Variants in GALNT15 observed in about 807,000 individuals in gnomAD.
GALNT15 encodes the protein UDP-GalNAc transferase T15.
A neutral mutation model predicts 66.8 loss-of-function variants in GALNT15; 67 were observed. That is an observed-to-expected ratio of 1.00 (90% confidence interval 0.82 to 1.23). GALNT15 has a LOEUF of 1.23. Ranked by LOEUF, GALNT15 falls within the 50% of genes most tolerant of loss-of-function variation. The pLI, the probability that GALNT15 is intolerant of heterozygous loss-of-function variation, is 0.00. For missense variants in GALNT15, 827 were observed against 804.3 expected (o/e 1.03, Z -0.34); for synonymous variants, 313 against 311.5 (o/e 1.00, Z -0.05).
Position 16,175,133 on chromosome 3 carries a change from T to C in GALNT15, c.-19T>C. ...GCTAACTTGAACATGACCTGTTGCATTTGGCAAGTTCTAGCAACATGCTCC... is the reference window on the plus strand; with the variant it reads ...GCTAACTTGAACATGACCTGTTGCACTTGGCAAGTTCTAGCAACATGCTCC... On this transcript the variant is annotated 5_prime_UTR_variant, in exon 1 of 10. Transcript: ENST00000339732. The surrounding 1 kb of genome is among the most constrained non-coding windows in gnomAD (Gnocchi z 5.6). 1.3e-6 allele frequency: 2 copies of C among 1,595,528 alleles called. No individual in the cohort carries two copies. The highest frequency in any genetic ancestry group is 1.7e-6 in the Non-Finnish European group (2 of 1,166,304).
chr3:16,232,508 A>ATATATT (rs1553689265), downstream of GALNT15, among the ~76,000 whole-genome samples: 7 of 78,590 alleles, frequency 8.9e-5, no homozygotes, highest in African/African-American at 1.8e-4. Context: ...ATATATATAT[A>ATATATT]TATTTATTTA....
In GALNT15 at chr3:16,184,174, T is replaced by TG. The variant is rs771919831; in HGVS notation, c.539+8488dup. The stretch of plus-strand genomic sequence containing the variant: ...AAGGATGAACAAAGGAGGTCAGGGG[T>TG]GGGGTTTTGGACACTTGAGTGACAC... On this transcript the variant is annotated intron_variant, in intron 1 of 9. Transcript: ENST00000339732. The surrounding 1 kb of genome is among the most constrained non-coding windows in gnomAD (Gnocchi z 5.0). Among the ~76,000 whole-genome samples, 6 of 152,246 alleles carry TG rather than the reference T, an allele frequency of 3.9e-5. No homozygotes were observed. Among genetic ancestry groups the TG allele is most frequent in the African/African-American group, 1.4e-4 (6 of 41,536 alleles).
intron 6 of GALNT15, 80 bp downstream of exon 6, chr3:16,212,843 C>G: frequency 1.6e-6 from 2 of 1,285,920 alleles, no homozygotes; most frequent in Non-Finnish European, 2.2e-6. Context: ...GCTCCTTTCT[C>G]TTGCCTGGAG....
At chr3:16,232,469 A>AATATAT (rs374444719), downstream of GALNT15, among the ~76,000 whole-genome samples, 95 of 38,726 alleles carry the variant, frequency 2.5e-3, no homozygotes, top group Non-Finnish European at 3.9e-3. Context: ...TAAATAAATA[A>AATATAT]ATATATATAT....
In GALNT15 at chr3:16,200,265, G is replaced by A. The variant is rs1332407462; in HGVS notation, c.707-354G>A. 6.6e-6 allele frequency among the ~76,000 whole-genome samples: 1 copy of A among 152,174 alleles called. No homozygotes were observed. The highest frequency in any genetic ancestry group is 1.5e-5 in the Non-Finnish European group (1 of 68,026). On this transcript the variant is annotated intron_variant, in intron 2 of 9. Transcript: ENST00000339732. The surrounding 1 kb of genome is among the most constrained non-coding windows in gnomAD (Gnocchi z 4.4). ...CCCTCCCTCGCCACATAGGGATTAT[G>A]GGGATTACCACTCAAGATGAGATCT...
At chr3:16,201,277 G>C (rs959264343) in intron 3 of GALNT15, among the ~76,000 whole-genome samples, 4 of 152,220 alleles carry the variant, frequency 2.6e-5, no homozygotes, top group African/African-American at 7.2e-5. Flanking sequence ...CGCCTCCCGG[G>C]TTCACGCCAT....
Position 16,228,271 on chromosome 3 carries a change from C to G in GALNT15, c.*771C>G, listed in dbSNP as rs756560631. 4 of 985,670 alleles carry G rather than the reference C, an allele frequency of 4.1e-6. No homozygotes were observed. Among genetic ancestry groups the G allele is most frequent in the Non-Finnish European group, 4.8e-6 (4 of 829,888 alleles). The allele number at this position is 985,670 out of a possible 1,614,324, so 61.1% of individuals were successfully genotyped here. A position where few individuals can be genotyped will look rare whatever the true frequency, so the allele number is the denominator to read the frequency against. ...AACCATAACCAGATTCCCTTGCAATCGATTTCTCTTTAGTCGTTGGTGTTA... is the reference window on the plus strand; with the variant it reads ...AACCATAACCAGATTCCCTTGCAATGGATTTCTCTTTAGTCGTTGGTGTTA... On this transcript the variant is annotated 3_prime_UTR_variant, in exon 10 of 10. Coordinates refer to ENST00000339732, the MANE Select transcript of GALNT15 (RefSeq NM_054110.5).
Position 16,175,617 on chromosome 3 carries a change from C to G in GALNT15, c.466C>G (p.Pro156Ala), listed in dbSNP as rs756248269. 1.2e-6 allele frequency: 2 copies of G among 1,613,190 alleles called. No individual in the cohort carries two copies. Among genetic ancestry groups the G allele is most frequent in the African/African-American group, 1.3e-5 (1 of 74,918 alleles). ...EEELTPFSLDPRGLQEALSAR... is the reference protein window; with the variant it reads ...EEELTPFSLDARGLQEALSAR... ...GGAGTTGACCCCGTTCAGCCTGGACCCACGTGGCCTCCAGGAGGCACTCAG... is the reference window on the plus strand; with the variant it reads ...GGAGTTGACCCCGTTCAGCCTGGACGCACGTGGCCTCCAGGAGGCACTCAG... The change falls in exon 1 of 10, where the codon CCA (proline) becomes GCA (alanine). Residue 156 changes from proline to alanine, a missense_variant. Transcript: ENST00000339732. The surrounding 1 kb of genome is among the most constrained non-coding windows in gnomAD (Gnocchi z 5.6).
At position 16,219,122 on chromosome 3, in the gene GALNT15, T is replaced by A. The variant is rs977582562; in HGVS notation, c.1393-281T>A. On this transcript the variant is annotated intron_variant, in intron 6 of 9. Coordinates refer to ENST00000339732, the MANE Select transcript of GALNT15 (RefSeq NM_054110.5). The surrounding 1 kb of genome is among the most constrained non-coding windows in gnomAD (Gnocchi z 4.3). ...ACCACTCCCGGCCTATTGTAGTCTT[T>A]ATAGACTGGAGATTTGAGGGATTGT... 6.6e-6 allele frequency among the ~76,000 whole-genome samples: 1 copy of A among 152,132 alleles called. No individual in the cohort carries two copies. The highest frequency in any genetic ancestry group is 1.5e-5 in the Non-Finnish European group (1 of 68,026).
downstream of GALNT15, among the ~76,000 whole-genome samples, chr3:16,232,469 A>AATAAATAAATAAATAT (rs1553689248): frequency 1.3e-4 from 5 of 38,752 alleles, no homozygotes; most frequent in Admixed American, 5.9e-4. Context: ...TAAATAAATA[A>AATAAATAAATAAATAT]ATATATATAT....
Position 16,176,293 on chromosome 3 carries a change from T to C in GALNT15, c.539+603T>C, listed in dbSNP as rs543231307. Among the ~76,000 whole-genome samples the C allele has an allele frequency of 6.6e-6, 1 of 152,236 alleles. No individual in the cohort carries two copies. The highest frequency in any genetic ancestry group is 1.5e-5 in the Non-Finnish European group (1 of 68,036). ...CACAGCTCTGCAAGATGGGTGCTAG[T>C]AGTATCATCATGCTTATTCTATAGG... is the stretch of plus-strand genomic sequence containing the variant. On this transcript the variant is annotated intron_variant, in intron 1 of 9. Transcript: ENST00000339732. The surrounding 1 kb of genome is among the most constrained non-coding windows in gnomAD (Gnocchi z 5.6).
At position 16,175,293 on chromosome 3, in the gene GALNT15, GC is replaced by G. The variant is rs368275393; in HGVS notation, c.144del (p.Ser49AlafsTer101). On this transcript the variant is annotated frameshift_variant, in exon 1 of 10. Coordinates refer to ENST00000339732, the MANE Select transcript of GALNT15 (RefSeq NM_054110.5). LOFTEE classifies it high-confidence loss of function. The surrounding 1 kb of genome is among the most constrained non-coding windows in gnomAD (Gnocchi z 5.6). ...CCTGCACCAGACTGTCACAGCCCAAGCCAGCAAGCACAGCCCTGAAGCCAGG... is the reference window on the plus strand; with the variant it reads ...CCTGCACCAGACTGTCACAGCCCAAGCAGCAAGCACAGCCCTGAAGCCAGG... ...HTLHQTVTAQ[A>X]SKHSPEARYR... The G allele has an allele frequency of 3.0e-5, 49 of 1,614,174 alleles. No homozygotes were observed. In the East Asian group the frequency reaches 9.6e-4, roughly 32 times the overall value.
At chr3:16,178,147 T>G (rs2063430752) in intron 1 of GALNT15, among the ~76,000 whole-genome samples, 1 of 152,092 alleles carries the variant, frequency 6.6e-6, no homozygotes, top group African/African-American at 2.4e-5. Context: ...ATGTGAGGTG[T>G]GAGTGATACA....
intron 2 of GALNT15, 75 bp downstream of exon 2, chr3:16,196,001 T>G (rs759248585): frequency 6.7e-7 from 1 of 1,485,594 alleles, no homozygotes; most frequent in Admixed American, 1.9e-5. Flanking sequence ...AGCAAAAGAT[T>G]GAAGTTTGGA....
chr3:16,200,879 C>T lies in GALNT15; in HGVS notation c.911+56C>T. 1 of 1,371,892 alleles carries T rather than the reference C, an allele frequency of 7.3e-7. No individual in the cohort carries two copies. Among genetic ancestry groups the T allele is most frequent in the Non-Finnish European group, 9.9e-7 (1 of 1,006,012 alleles). The allele number at this position is 1,371,892 out of a possible 1,614,324, so 85.0% of individuals were successfully genotyped here. A position where few individuals can be genotyped will look rare whatever the true frequency, so the allele number is the denominator to read the frequency against. On this transcript the variant is annotated intron_variant, in intron 3 of 9. Coordinates refer to ENST00000339732, the MANE Select transcript of GALNT15 (RefSeq NM_054110.5). The surrounding 1 kb of genome is among the most constrained non-coding windows in gnomAD (Gnocchi z 4.4). ...ACATGGAACTGGGAGAAACAGTCTACAGCATCAGCCACTCACAGAGCAACC... is the reference window on the plus strand; with the variant it reads ...ACATGGAACTGGGAGAAACAGTCTATAGCATCAGCCACTCACAGAGCAACC...
Position 16,183,178 on chromosome 3 carries a change from A to G in GALNT15, c.539+7488A>G, listed in dbSNP as rs2063486569. 6.6e-6 allele frequency: 1 copy of G among 152,328 alleles called. No individual in the cohort carries two copies. The highest frequency in any genetic ancestry group is 1.5e-5 in the Non-Finnish European group (1 of 68,138). The allele number at this position is 152,328 out of a possible 1,614,324, so 9.4% of individuals were successfully genotyped here. On this transcript the variant is annotated intron_variant, in intron 1 of 9. Transcript: ENST00000339732. This position sits in a 1 kb window ranked among gnomAD's most constrained non-coding sequence, Gnocchi z 5.2. Reference sequence around the variant, plus strand: ...AGCTGTGAGAGTTTGGAGAACCTGCACAAAGAGAAGGGGATGGCATGTACC... The same window carrying G: ...AGCTGTGAGAGTTTGGAGAACCTGCGCAAAGAGAAGGGGATGGCATGTACC...
rs2063543125 is a variant in GALNT15 at position 16,188,681 on chromosome 3, T to C, written c.540-7079T>C. Among the ~76,000 whole-genome samples, 1 of 152,128 alleles carries C rather than the reference T, an allele frequency of 6.6e-6. No homozygotes were observed. The highest frequency in any genetic ancestry group is 1.5e-5 in the Non-Finnish European group (1 of 67,998). ...TTTGTTGGCTGGACCTTAGCCAGCT[T>C]CCTAGGTTTCCAGTGGCTTCTCTGA... On this transcript the variant is annotated intron_variant, in intron 1 of 9. Coordinates refer to ENST00000339732, the MANE Select transcript of GALNT15 (RefSeq NM_054110.5). This position sits in a 1 kb window ranked among gnomAD's most constrained non-coding sequence, Gnocchi z 4.6.
At chr3:16,223,617 G>A (rs147505814) in intron 9 of GALNT15, among the ~76,000 whole-genome samples, 1 of 151,812 alleles carries the variant, frequency 6.6e-6, no homozygotes, top group East Asian at 1.9e-4. Context: ...ATAAGCACTT[G>A]AGAACAGAGC....
chr3:16,231,751 G>GT, downstream of GALNT15: 5 of 1,425,134 alleles, frequency 3.5e-6, no homozygotes, highest in Non-Finnish European at 4.8e-6. The surrounding 1 kb of genome is among the most constrained non-coding windows in gnomAD (Gnocchi z 4.1). Context: ...AAATGATACA[G>GT]TCCTTCCTCT....
Sources: allele counts gnomAD v4.1 joint callset (sites outside exome capture counted in the v4.1 genomes callset), GRCh38; gene constraint gnomAD v4.1.1; non-coding constraint Gnocchi (gnomAD v3.1); transcripts MANE v1.5; gene names NCBI Gene and HGNC (gene_info 2026-07-23, HGNC 2026-07-21).